The following DNAH17 variants were observed in gnomAD, a reference collection of about 807,000 sequenced individuals.
DNAH17 encodes axonemal beta dynein heavy chain 17.
DNAH17 carries 376 observed loss-of-function variants against 485.6 expected under a neutral mutation model. That is an observed-to-expected ratio of 0.77 (90% confidence interval 0.71 to 0.84). The LOEUF (loss-of-function observed/expected upper bound fraction) is 0.84. DNAH17 is among the 40% of genes least tolerant of loss of function. The probability of loss-of-function intolerance (pLI) is 0.00; values close to 1 mark genes in which losing one functional copy is unlikely to be tolerated. For synonymous variants in DNAH17, 3,031 were observed against 2,405.9 expected, an observed-to-expected ratio of 1.26 and a Z score of -7.60; for missense variants, 6,370 against 5,839.3, an observed-to-expected ratio of 1.09 and a Z score of -2.96.
chr17:78,485,749 C>A lies in DNAH17; in HGVS notation c.7284G>T (p.Leu2428Phe), dbSNP rs951603204. The change falls in exon 47 of 81, where the codon TTG becomes TTT. Residue 2428 changes from leucine (L) to phenylalanine (F), a missense_variant. Physicochemically the swap from Leu to Phe is conservative, Grantham distance 22 (BLOSUM62 0). Coordinates refer to ENST00000389840, the MANE Select transcript of DNAH17 (RefSeq NM_173628.4). ...TGCGGATGGTTTCCGTGGTGTGGAC[C>A]AAAGAGGCCTGGGGCAGGGGAGGGA... The part of the protein sequence containing the change: ...LDPDVPLQAS[L>F]VHTTETIRIR... The A allele has an allele frequency of 5.0e-6, 8 of 1,611,926 alleles. No homozygotes were observed. Among genetic ancestry groups the A allele is most frequent in the Non-Finnish European group, 6.8e-6 (8 of 1,179,762 alleles).
intron 11 of DNAH17, among the ~76,000 whole-genome samples, chr17:78,563,935 G>C (rs1238708411): frequency 1.3e-5 from 2 of 151,526 alleles, no homozygotes; most frequent in African/African-American, 4.9e-5. Context: ...GCTTTTCTTT[G>C]TTTTAAATTG....
At chr17:78,451,413 G>A in intron 66 of DNAH17, 56 bp downstream of exon 66, 1 of 1,510,970 alleles carries the variant, frequency 6.6e-7, no homozygotes, top group South Asian at 1.3e-5. Flanking sequence ...CAGTGACCTG[G>A]CCCCCTCTGT....
At position 78,514,769 on chromosome 17, in the gene DNAH17, G is replaced by A; in HGVS notation, c.4113+5C>T. The A allele has an allele frequency of 6.2e-7, 1 of 1,613,312 alleles. No homozygotes were observed. The highest frequency in any genetic ancestry group is 8.5e-7 in the Non-Finnish European group (1 of 1,179,534). ...GTCCCCTCCGCCCACCATGGTGCATGGTACCTGGGTGGCCTGCATGAGCTG... is the reference window on the plus strand; with the variant it reads ...GTCCCCTCCGCCCACCATGGTGCATAGTACCTGGGTGGCCTGCATGAGCTG... On this transcript the variant is annotated splice_donor_5th_base_variant and intron_variant, in intron 26 of 80. Transcript: ENST00000389840.
At position 78,571,549 on chromosome 17, in the gene DNAH17, T is replaced by C. The variant is rs570328663; in HGVS notation, c.732+41A>G. On this transcript the variant is annotated intron_variant, in intron 4 of 80. Transcript: ENST00000389840. ...GGAGAGCTCGGCCCGGTCGCCCAGCTGGGACGAGGCTGCAGCCCCACAGGA... is the reference window on the plus strand; with the variant it reads ...GGAGAGCTCGGCCCGGTCGCCCAGCCGGGACGAGGCTGCAGCCCCACAGGA... The C allele has an allele frequency of 2.2e-4, 359 of 1,610,114 alleles. 1 individual carries two copies. In the Admixed American group the frequency reaches 4.8e-3, roughly 22 times the overall value.
rs201554535 is a variant in DNAH17, at chr17:78,501,238, G to A, written c.5429C>T (p.Ser1810Phe). 246 of 1,607,930 alleles carry A rather than the reference G, an allele frequency of 1.5e-4. No homozygotes were observed. Among genetic ancestry groups the A allele is most frequent in the Non-Finnish European group, 1.9e-4 (223 of 1,175,142 alleles). Residue 1810 changes from serine to phenylalanine, a missense_variant, in exon 35 of 81, where the codon TCC becomes TTC. Ser to Phe is a radical substitution (Grantham distance 155). Transcript: ENST00000389840. ...ANICDAQIQY[S>F]YEYLGNTPRL... ...CGGCGTGTTGCCCAGATACTCATAG[G>A]AATACTGGATTTGGGCATCGCAGAT... is the stretch of plus-strand genomic sequence containing the variant.
intron 12 of DNAH17, 46 bp downstream of exon 12, chr17:78,561,669 C>T (rs368923631): frequency 8.0e-5 from 124 of 1,557,134 alleles, no homozygotes; most frequent in Non-Finnish European, 1.0e-4. Context: ...CGCTCTCCCG[C>T]ACCATGGAGG....
At chr17:78,547,428 T>TG (rs1342113121) in intron 16 of DNAH17, among the ~76,000 whole-genome samples, 1 of 152,178 alleles carries the variant, frequency 6.6e-6, no homozygotes, top group Non-Finnish European at 1.5e-5. Flanking sequence ...GTGGGCTACC[T>TG]GCTTGGTAGA....
chr17:78,485,964 A>C lies in DNAH17; in HGVS notation c.7271T>G (p.Leu2424Arg). The change falls in exon 46 of 81, where the codon CTG (leucine) becomes CGG (arginine). Residue 2424 changes from leucine (L) to arginine (R), a missense_variant. By Grantham distance (102) the Leu-to-Arg change is moderately radical. Coordinates refer to ENST00000389840, the MANE Select transcript of DNAH17 (RefSeq NM_173628.4). ...PSFELDPDVPLQASLVHTTET... is the reference protein window; with the variant it reads ...PSFELDPDVPRQASLVHTTET... Reference sequence around the variant, plus strand: ...CCCTGCTTTGGGGACAGTTACCTGCAGTGGGACATCGGGATCCAGCTCAAA... The same window carrying C: ...CCCTGCTTTGGGGACAGTTACCTGCCGTGGGACATCGGGATCCAGCTCAAA... The C allele has an allele frequency of 1.2e-6, 2 of 1,612,052 alleles. No homozygotes were observed. The highest frequency in any genetic ancestry group is 1.7e-6 in the Non-Finnish European group (2 of 1,179,646).
At chr17:78,441,537 G>A (rs753320926) in intron 71 of DNAH17, among the ~76,000 whole-genome samples, 5 of 152,138 alleles carry the variant, frequency 3.3e-5, no homozygotes, top group Non-Finnish European at 5.9e-5. Flanking sequence ...TCAGATTAGA[G>A]CAAAGCTTTG....
chr17:78,571,601 T>C lies in DNAH17; in HGVS notation c.721A>G (p.Ile241Val), dbSNP rs2092358941. 1 of 1,613,910 alleles carries C rather than the reference T, an allele frequency of 6.2e-7. No homozygotes were observed. The highest frequency in any genetic ancestry group is 8.5e-7 in the Non-Finnish European group (1 of 1,179,888). Residue 241 changes from isoleucine (I) to valine (V), a missense_variant, in exon 4 of 81, where the codon ATC becomes GTC. By Grantham distance (29) the Ile-to-Val change is conservative (BLOSUM62 3). Coordinates refer to ENST00000389840, the MANE Select transcript of DNAH17 (RefSeq NM_173628.4). ...WDTRLLNLKC[I>V]HEQLNRPKVN... ...AGAGGAGGCCGTACCTGTTCATGGATGCACTTGAGGTTCAGCAGCCGAGTG... is the reference window on the plus strand; with the variant it reads ...AGAGGAGGCCGTACCTGTTCATGGACGCACTTGAGGTTCAGCAGCCGAGTG...
intron 9 of DNAH17, among the ~76,000 whole-genome samples, chr17:78,568,824 A>T (rs1298615171): frequency 1.3e-5 from 2 of 152,222 alleles, no homozygotes; most frequent in Non-Finnish European, 2.9e-5. Context: ...GGGGGCCTTC[A>T]TAAGTCTCCA....
At chr17:78,443,748 CTA>C (rs2146467707) in intron 71 of DNAH17, among the ~76,000 whole-genome samples, 1 of 152,244 alleles carries the variant, frequency 6.6e-6, no homozygotes, top group Non-Finnish European at 1.5e-5. Flanking sequence ...TGGGGTCTCA[CTA>C]TGTTTCCCAG....
chr17:78,530,351 G>A lies in DNAH17; in HGVS notation c.3276C>T (p.Val1092=), dbSNP rs1473954541. ...FMFKRHLSNH[V]TNSLADLEAF... is the part of the protein sequence containing the mutation. Reference sequence around the variant, plus strand: ...CATGGCTGGGGACCCACCTGTTGGTGACGTGGTTGCTCAGGTGCCGCTTGA... The same window carrying A: ...CATGGCTGGGGACCCACCTGTTGGTAACGTGGTTGCTCAGGTGCCGCTTGA... Residue 1092 remains valine, a synonymous_variant, in exon 21 of 81, where the codon GTC becomes GTT. Coordinates refer to ENST00000389840, the MANE Select transcript of DNAH17 (RefSeq NM_173628.4). 4.4e-6 allele frequency: 7 copies of A among 1,607,442 alleles called. No homozygotes were observed. The African/African-American group carries it at 8.0e-5, about 18-fold the overall frequency.
At chr17:78,552,558 C>A in intron 15 of DNAH17, 139 bp downstream of exon 15, 5 of 413,890 alleles carry the variant, frequency 1.2e-5, no homozygotes, top group Non-Finnish European at 2.2e-5. Flanking sequence ...AAGTAACTAT[C>A]CTTTAGCCCC....
chr17:78,501,925 G>C, intron 33 of DNAH17, 52 bp from the exon 34 acceptor site: 1 of 1,606,484 alleles, frequency 6.2e-7, no homozygotes, highest in South Asian at 1.1e-5. Context: ...ACATGCACTG[G>C]GGGGTCTTGT....
chr17:78,515,806 C>G (rs1265529906), intron 25 of DNAH17, among the ~76,000 whole-genome samples: 1 of 152,234 alleles, frequency 6.6e-6, no homozygotes, highest in Non-Finnish European at 1.5e-5. Context: ...ATGCACTTTG[C>G]ATGAATGAGA....
In DNAH17 at chr17:78,544,287, C is replaced by G. The variant is rs530628438; in HGVS notation, c.2392-290G>C. Among the ~76,000 whole-genome samples the G allele has an allele frequency of 3.7e-4, 56 of 152,318 alleles. 1 individual carries two copies. In the South Asian group the frequency reaches 0.011, roughly 31 times the overall value. On this transcript the variant is annotated intron_variant, in intron 16 of 80. Coordinates refer to ENST00000389840, the MANE Select transcript of DNAH17 (RefSeq NM_173628.4). ...AACTGGGCCAGAATGGGGTCACTCT[C>G]AGGAAAGGAGCATCTAATTCTCTCT...
At chr17:78,540,470 T>TGG (rs2091502567) in intron 17 of DNAH17, among the ~76,000 whole-genome samples, 1 of 2,534 alleles carries the variant, frequency 3.9e-4, no homozygotes, top group Admixed American at 5.1e-3. Flanking sequence ...TGGGTGGGTA[T>TGG]GTGGATGTGT....
chr17:78,543,310 G>T (rs1358434675), intron 17 of DNAH17, among the ~76,000 whole-genome samples: 1 of 142,672 alleles, frequency 7.0e-6, no homozygotes, highest in Non-Finnish European at 1.5e-5. Context: ...TTGAGACGGA[G>T]TCTCGCTCTG....
Sources: allele counts gnomAD v4.1 joint callset (sites outside exome capture counted in the v4.1 genomes callset), GRCh38; gene constraint gnomAD v4.1.1; transcripts MANE v1.5; gene names NCBI Gene and HGNC (gene_info 2026-07-23, HGNC 2026-07-21).